The following CARD10 variants were observed in gnomAD, a reference collection of about 807,000 sequenced individuals.
The protein encoded by CARD10 is caspase recruitment domain family member 10.
Under a neutral mutation model 114.6 loss-of-function variants are expected in CARD10, and 49 were observed. That is an observed-to-expected ratio of 0.43 (90% confidence interval 0.34 to 0.54). CARD10 has a LOEUF of 0.54. Ranked by LOEUF, CARD10 falls within the 20% of genes least tolerant of loss-of-function variation. The pLI is 0.03. For synonymous variants in CARD10, 602 were observed against 593.2 expected, an observed-to-expected ratio of 1.01 and a Z score of -0.21; for missense variants, 1,206 against 1,397.2, an observed-to-expected ratio of 0.86 and a Z score of 2.18.
Position 37,519,236 on chromosome 22 carries a change from C to A in CARD10, c.-36G>T. ...TCAGGGTCTGCGGGCAAGAGGCGCA[C>A]GGGGGTCGACCAGGGCTCCCTAGGG... is the stretch of plus-strand genomic sequence containing the variant. On this transcript the variant is annotated 5_prime_UTR_variant, in exon 1 of 20. Coordinates refer to ENST00000251973, the MANE Select transcript of CARD10 (RefSeq NM_014550.4). This position sits in a 1 kb window ranked among gnomAD's most constrained non-coding sequence, Gnocchi z 4.1. 6.8e-7 allele frequency: 1 copy of A among 1,473,134 alleles called. No homozygotes were observed. The highest frequency in any genetic ancestry group is 9.0e-7 in the Non-Finnish European group (1 of 1,113,854). The allele number at this position is 1,473,134 out of a possible 1,614,324, so 91.3% of individuals were successfully genotyped here. A position where few individuals can be genotyped will look rare whatever the true frequency, so the allele number is the denominator to read the frequency against.
rs1199669942 is a variant in CARD10, at chr22:37,491,183, G to A, written c.3075C>T (p.Gly1025=). ...LVWVECGSSR[G]CPSSSEA Reference sequence around the variant, plus strand: ...CTCAGGCCTCACTGCTGCTGGGGCAGCCTCTGCTGCTGCCGCACTCCACCC... The same window carrying A: ...CTCAGGCCTCACTGCTGCTGGGGCAACCTCTGCTGCTGCCGCACTCCACCC... The change falls in exon 20 of 20, where the codon GGC becomes GGT. Residue 1025 remains glycine, a synonymous_variant. Coordinates refer to ENST00000251973, the MANE Select transcript of CARD10 (RefSeq NM_014550.4). 4 of 1,568,070 alleles carry A rather than the reference G, an allele frequency of 2.6e-6. No individual in the cohort carries two copies. The African/African-American group carries it at 5.4e-5, about 21-fold the overall frequency.
rs763035051 is a variant in CARD10 at position 37,519,197 on chromosome 22, G to A, written c.4C>T (p.Pro2Ser). The change falls in exon 1 of 20, where the codon CCG becomes TCG. Residue 2 changes from proline (P) to serine (S), a missense_variant. Transcript: ENST00000251973. This position sits in a 1 kb window ranked among gnomAD's most constrained non-coding sequence, Gnocchi z 4.1. M[P>S]GRAEAGEAEE... Reference sequence around the variant, plus strand: ...GCCTCCCCCGCCTCCGCCCGGCCCGGCATGGCCGTGTCCTCAGGGTCTGCG... The same window carrying A: ...GCCTCCCCCGCCTCCGCCCGGCCCGACATGGCCGTGTCCTCAGGGTCTGCG... 3.3e-6 allele frequency: 5 copies of A among 1,526,280 alleles called. No homozygotes were observed. The highest frequency in any genetic ancestry group is 4.4e-6 in the Non-Finnish European group (5 of 1,142,112). The allele number at this position is 1,526,280 out of a possible 1,614,324, so 94.5% of individuals were successfully genotyped here.
intron 7 of CARD10, among the ~76,000 whole-genome samples, chr22:37,505,672 G>A (rs1049721515): frequency 6.6e-5 from 10 of 151,016 alleles, no homozygotes; most frequent in Non-Finnish European, 1.2e-4. Context: ...CAGAGCTCCC[G>A]GCAGCAGCCT....
chr22:37,518,500 A>G (rs1000114339), intron 1 of CARD10, among the ~76,000 whole-genome samples: 2 of 152,214 alleles, frequency 1.3e-5, no homozygotes, highest in Non-Finnish European at 1.5e-5. Flanking sequence ...TCTGGTTCAA[A>G]GGCACACCCT....
At position 37,506,184 on chromosome 22, in the gene CARD10, C is replaced by T. The variant is rs1341972153; in HGVS notation, c.1383+8G>A. 1 of 1,526,232 alleles carries T rather than the reference C, an allele frequency of 6.6e-7. No individual in the cohort carries two copies. Among genetic ancestry groups the T allele is most frequent in the Admixed American group, 1.9e-5 (1 of 52,506 alleles). 94.5% of individuals were successfully genotyped at this position (1,526,232 alleles called of 1,614,324 possible). A position where few individuals can be genotyped will look rare whatever the true frequency, so the allele number is the denominator to read the frequency against. ...CTGCCAGGACCTCCACAATCTTGAC[C>T]CGCTCACCTTGAGGCAGGTGCCACC... On this transcript the variant is annotated splice_region_variant and intron_variant, in intron 7 of 19. Transcript: ENST00000251973.
rs1416244837 is a variant in CARD10 at position 37,513,552 on chromosome 22, G to A, written c.699+2421C>T. ...CAGCAGCCCCCAGATGGCCACACAC[G>A]CAGGACATCTCCCAATCGCATCACA... On this transcript the variant is annotated intron_variant, in intron 3 of 19. Coordinates refer to ENST00000251973, the MANE Select transcript of CARD10 (RefSeq NM_014550.4). Among the ~76,000 whole-genome samples the A allele has an allele frequency of 3.9e-5, 6 of 151,964 alleles. No homozygotes were observed. In the East Asian group the frequency reaches 9.7e-4, roughly 25 times the overall value.
intron 3 of CARD10, 62 bp from the exon 4 acceptor site, chr22:37,510,483 G>T (rs998888807): frequency 2.7e-6 from 4 of 1,499,884 alleles, no homozygotes; most frequent in East Asian, 4.6e-5. Context: ...GGTTACAGGG[G>T]TGGGAAGACC....
chr22:37,496,807 G>T lies in CARD10; in HGVS notation c.1947+212C>A. On this transcript the variant is annotated intron_variant, in intron 12 of 19. Coordinates refer to ENST00000251973, the MANE Select transcript of CARD10 (RefSeq NM_014550.4). This position sits in a 1 kb window ranked among gnomAD's most constrained non-coding sequence, Gnocchi z 4.1. ...GACTTGAAGCGCAGGAATGTAACGT[G>T]CTGTCAGTTGGCTCCACCTCCCAGT... The T allele has an allele frequency of 1.5e-6, 1 of 663,674 alleles. No homozygotes were observed. The highest frequency in any genetic ancestry group is 2.6e-6 in the Non-Finnish European group (1 of 389,728). The allele number at this position is 663,674 out of a possible 1,614,324, so 41.1% of individuals were successfully genotyped here.
intron 1 of CARD10, among the ~76,000 whole-genome samples, chr22:37,518,337 C>A (rs766908967): frequency 6.6e-6 from 1 of 152,200 alleles, no homozygotes; most frequent in African/African-American, 2.4e-5. Context: ...CCCAACACCC[C>A]CCACAGACAC....
At chr22:37,509,073 A>C in intron 4 of CARD10, 1 of 1,549,170 alleles carries the variant, frequency 6.5e-7, no homozygotes, top group Non-Finnish European at 8.7e-7. Flanking sequence ...AGGGGTCTTC[A>C]AGGGGCTGAG....
rs1922988878 is a variant in CARD10 at position 37,495,945 on chromosome 22, G to A, written c.2118C>T (p.Pro706=). 6.2e-7 allele frequency: 1 copy of A among 1,614,174 alleles called. No individual in the cohort carries two copies. The change falls in exon 14 of 20, where the codon CCC becomes CCT. Residue 706 remains proline (P), a synonymous_variant. Coordinates refer to ENST00000251973, the MANE Select transcript of CARD10 (RefSeq NM_014550.4). ...AGGTGAGGTTGGCACGAATGTAGAA[G>A]GGCTCGGCACCTGGTCCCTTTGCCC... ...EAWAKGPGAE[P]FYIRANLTLP...
Position 37,504,201 on chromosome 22 carries a change from G to A in CARD10, c.1619C>T (p.Pro540Leu). 3 of 1,564,408 alleles carry A rather than the reference G, an allele frequency of 1.9e-6. No individual in the cohort carries two copies. Among genetic ancestry groups the A allele is most frequent in the Non-Finnish European group, 1.7e-6 (2 of 1,153,360 alleles). Reference sequence around the variant, plus strand: ...GCCATCTCACCTCTTAGGGGGTGCGGGGTCTTCCTCACGCTGCCGGCGGAG... The same window carrying A: ...GCCATCTCACCTCTTAGGGGGTGCGAGGTCTTCCTCACGCTGCCGGCGGAG... Reference protein sequence around the residue: ...SILRRQREEDPAPPKRSFSSM... With the variant: ...SILRRQREEDLAPPKRSFSSM... Residue 540 changes from proline (P) to leucine (L), a missense_variant, in exon 9 of 20, where the codon CCC becomes CTC. Physicochemically the swap from Pro to Leu is moderately conservative, Grantham distance 98 (BLOSUM62 -3). This residue lies in a region of CARD10 where 1,068 missense variants were observed against 1,179.1 expected (regional missense o/e 0.91). Coordinates refer to ENST00000251973, the MANE Select transcript of CARD10 (RefSeq NM_014550.4).
chr22:37,518,929 G>A, intron 1 of CARD10, 37 bp downstream of exon 1: 5 of 1,490,218 alleles, frequency 3.4e-6, no homozygotes, highest in South Asian at 1.3e-5. Context: ...GGGCACGGCC[G>A]GCCCAGGTCG....
At chr22:37,509,161 G>T in intron 4 of CARD10, 1 of 1,459,324 alleles carries the variant, frequency 6.9e-7, no homozygotes, top group Non-Finnish European at 9.1e-7. Context: ...CCAACCCCAT[G>T]AAACACACTG....
chr22:37,498,420 T>C (rs1342210494), intron 11 of CARD10, among the ~76,000 whole-genome samples: 2 of 152,194 alleles, frequency 1.3e-5, no homozygotes, highest in East Asian at 1.9e-4. Context: ...GCCAGACACC[T>C]TGGCCTGGAG....
At position 37,492,615 on chromosome 22, in the gene CARD10, A is replaced by G; in HGVS notation, c.2635+29T>C. ...GGCCCGGCTGCCCAGAGGGGCACCC[A>G]GCCTCCCCTCCCCGGCACATAGTCT... On this transcript the variant is annotated intron_variant, in intron 17 of 19. Coordinates refer to ENST00000251973, the MANE Select transcript of CARD10 (RefSeq NM_014550.4). The surrounding 1 kb of genome is among the most constrained non-coding windows in gnomAD (Gnocchi z 5.7). The G allele has an allele frequency of 6.2e-7, 1 of 1,610,464 alleles. No homozygotes were observed.
Position 37,510,343 on chromosome 22 carries a change from CA to C in CARD10, c.777del (p.Ala261GlnfsTer30), listed in dbSNP as rs755034739. 1 of 1,612,518 alleles carries C rather than the reference CA, an allele frequency of 6.2e-7. No individual in the cohort carries two copies. The highest frequency in any genetic ancestry group is 1.3e-5 in the African/African-American group (1 of 74,868). ...TTCTCCTTCTCCTTCTCCTCTGCCC[CA>C]GGGGGCGGGCCCCTGGCCCTTCGAA... ...ALLRRARGPPPGAEEKEKEKE... is the reference protein window; with the variant it reads ...ALLRRARGPPXGAEEKEKEKE... On this transcript the variant is annotated frameshift_variant, in exon 4 of 20. Transcript: ENST00000251973. LOFTEE classifies it high-confidence loss of function.
intron 11 of CARD10, among the ~76,000 whole-genome samples, chr22:37,497,882 TCA>T (rs1421935390): frequency 2.0e-5 from 3 of 149,256 alleles, no homozygotes; most frequent in Non-Finnish European, 4.4e-5. Flanking sequence ...CTTGTTATGC[TCA>T]CAGTCTGAGG....
At chr22:37,500,355 G>A (rs1254783391) in intron 11 of CARD10, among the ~76,000 whole-genome samples, 1 of 152,162 alleles carries the variant, frequency 6.6e-6, no homozygotes, top group East Asian at 1.9e-4. Context: ...CTATGCTGGG[G>A]AGACGGCACC....
Sources: gnomAD v4.1 joint callset for allele counts (sites outside exome capture counted in the v4.1 genomes callset) on GRCh38, gnomAD v4.1.1 for gene constraint, gnomAD v4.1.1 regional missense constraint, Gnocchi (gnomAD v3.1) non-coding constraint, MANE v1.5 for transcripts, NCBI Gene and HGNC (gene_info 2026-07-23, HGNC 2026-07-21) for gene names.